The following TMC4 variants were observed in gnomAD, a reference collection of about 807,000 sequenced individuals.
TMC4 encodes voltage-gated chloride channel TMC4.
A neutral mutation model predicts 82.0 loss-of-function variants in TMC4; 70 were observed. The observed-to-expected ratio is 0.85, with a 90% confidence interval of 0.70 to 1.04. The LOEUF (loss-of-function observed/expected upper bound fraction) is 1.04, where lower values mean the gene tolerates loss of function less well. Ranked by LOEUF, TMC4 falls within the 50% of genes least tolerant of loss-of-function variation. TMC4 has a pLI of 0.00. For synonymous variants in TMC4, 446 were observed against 406.0 expected (o/e 1.10, Z -1.18); for missense variants, 879 against 899.0 (o/e 0.98, Z 0.28).
chr19:54,162,755 G>A lies in TMC4; in HGVS notation c.1420C>T (p.Leu474=), dbSNP rs115427149. 1.2e-5 allele frequency: 20 copies of A among 1,614,058 alleles called. No individual in the cohort carries two copies. The highest frequency in any genetic ancestry group is 1.6e-5 in the Non-Finnish European group (19 of 1,179,972). The part of the protein sequence containing the change: ...YKQLPCWETV[L]GQEMYKLLLF... ...AGAAGTTTGTACATTTCCTGGCCCA[G>A]GACAGTCTCCCAGCACTGAAGAAGG... is the stretch of plus-strand genomic sequence containing the variant. The change falls in exon 10 of 15, where the codon CTG becomes TTG. Residue 474 remains leucine (L), a synonymous_variant. Coordinates refer to ENST00000619895, the MANE Select transcript of TMC4 (RefSeq NM_144686.4).
intron 1 of TMC4, 50 bp from the exon 2 acceptor site, chr19:54,172,133 C>G (rs775357187): frequency 3.4e-6 from 5 of 1,457,006 alleles, no homozygotes; most frequent in Non-Finnish European, 4.5e-6. Context: ...GGCCCTAATT[C>G]CTCCTCCCTC....
Position 54,161,134 on chromosome 19 carries a change from A to G in TMC4, c.1813T>C (p.Phe605Leu). 6.3e-7 allele frequency: 1 copy of G among 1,585,212 alleles called. No individual in the cohort carries two copies. Among genetic ancestry groups the G allele is most frequent in the Admixed American group, 1.9e-5 (1 of 52,680 alleles). ...ISSVPLLYSI[F>L]LIPPSKLCGP... is the part of the protein sequence containing the mutation. The stretch of plus-strand genomic sequence containing the variant: ...GCGGGAGCCTCTCGCACTTACAGGA[A>G]GATGCTGTAAAGCAGGGGAACGCTG... Residue 605 changes from phenylalanine to leucine, a missense_variant, in exon 12 of 15, where the codon TTC (phenylalanine) becomes CTC (leucine). Physicochemically the swap from Phe to Leu is conservative, Grantham distance 22. Transcript: ENST00000619895.
In TMC4 at chr19:54,160,332, G is replaced by A. The variant is rs1192889223; in HGVS notation, c.2095C>T (p.Leu699=). 2.0e-6 allele frequency: 3 copies of A among 1,522,734 alleles called. No individual in the cohort carries two copies. The highest frequency in any genetic ancestry group is 2.6e-6 in the Non-Finnish European group (3 of 1,136,120). The allele number at this position is 1,522,734 out of a possible 1,614,324, so 94.3% of individuals were successfully genotyped here. A position where few individuals can be genotyped will look rare whatever the true frequency, so the allele number is the denominator to read the frequency against. ...KVFLARRAVA[L]TSTKPAL is the part of the protein sequence containing the mutation. The stretch of plus-strand genomic sequence containing the variant: ...CAAAGAGCCGGTTTGGTGGAGGTCA[G>A]CGCCACAGCGCGCCGTGCCAGGAAG... The change falls in exon 15 of 15, where the codon CTG becomes TTG. Residue 699 remains leucine (L), a synonymous_variant. Transcript: ENST00000619895.
intron 4 of TMC4, 30 bp from the exon 5 acceptor site, chr19:54,168,322 T>G (rs761814768): frequency 5.1e-5 from 79 of 1,544,976 alleles, no homozygotes; most frequent in Non-Finnish European, 3.5e-6. Context: ...CAGGGGCCAC[T>G]GTGGGAGGAG....
rs1163245085 is a variant in TMC4, at chr19:54,168,904, CTTCT to C, written c.443-228_443-225del. Reference sequence around the variant, plus strand: ...TTTCTTTTCTTTCTTTCCTTTCTTTCTTCTTTCTTTCCTTCCTTCCTTCCTTCCT... The same window carrying C: ...TTTCTTTTCTTTCTTTCCTTTCTTTCTTCTTTCCTTCCTTCCTTCCTTCCT... On this transcript the variant is annotated intron_variant, in intron 3 of 14. Coordinates refer to ENST00000619895, the MANE Select transcript of TMC4 (RefSeq NM_144686.4). 1.6e-3 allele frequency among the ~76,000 whole-genome samples: 28 copies of C among 17,480 alleles called. 9 individuals are homozygous for C. Among genetic ancestry groups the C allele is most frequent in the Non-Finnish European group, 2.2e-3 (24 of 10,800 alleles). 11.5% of individuals were successfully genotyped at this position (17,480 alleles called of 152,430 possible). A position where few individuals can be genotyped will look rare whatever the true frequency, so the allele number is the denominator to read the frequency against.
At chr19:54,162,793 A>C in intron 9 of TMC4, 23 bp from the exon 10 acceptor site, 7 of 1,608,666 alleles carry the variant, frequency 4.4e-6, no homozygotes, top group Non-Finnish European at 6.0e-6. Context: ...GAAATATATC[A>C]GAAAGAACTC....
chr19:54,168,726 G>C, intron 3 of TMC4, 46 bp from the exon 4 acceptor site: 1 of 1,344,482 alleles, frequency 7.4e-7, no homozygotes. Flanking sequence ...CCCGGGAGCA[G>C]GACCAGCCCC....
chr19:54,165,669 G>A, intron 5 of TMC4, 103 bp from the exon 6 acceptor site: 1 of 1,376,292 alleles, frequency 7.3e-7, no homozygotes, highest in Non-Finnish European at 9.7e-7. Flanking sequence ...TGAACCCTAA[G>A]GCCTTGGGTA....
intron 13 of TMC4, 83 bp downstream of exon 13, chr19:54,160,795 A>T: frequency 6.5e-7 from 1 of 1,544,196 alleles, no homozygotes; most frequent in Non-Finnish European, 8.8e-7. Context: ...TCCCACGCCC[A>T]AGCCTCTCCT....
At chr19:54,165,633 C>A (rs2075685580) in intron 5 of TMC4, 67 bp from the exon 6 acceptor site, 11 of 1,528,364 alleles carry the variant, frequency 7.2e-6, no homozygotes, top group African/African-American at 1.4e-5. Flanking sequence ...TGGGGAGACC[C>A]CTCATATTGG....
intron 7 of TMC4, 77 bp from the exon 8 acceptor site, chr19:54,163,964 T>C (rs1235208433): frequency 2.2e-6 from 3 of 1,362,742 alleles, no homozygotes; most frequent in Non-Finnish European, 2.9e-6. Context: ...CCCGGCCTCT[T>C]CTTCTTCTTC....
Position 54,169,516 on chromosome 19 carries a change from GATCCTCTTCA to G in TMC4, c.428_437del (p.Leu143ProfsTer33). Reference sequence around the variant, plus strand: ...ACCACCCAAACCCCACCGCACCCCCGATCCTCTTCAGTGTCCACGCCCAGGGCTGCAGGCT... The same window carrying G: ...ACCACCCAAACCCCACCGCACCCCCGGTGTCCACGCCCAGGGCTGCAGGCT... On this transcript the variant is annotated frameshift_variant, in exon 3 of 15. Coordinates refer to ENST00000619895, the MANE Select transcript of TMC4 (RefSeq NM_144686.4). LOFTEE classifies it high-confidence loss of function. 3.2e-6 allele frequency: 5 copies of G among 1,558,978 alleles called. No individual in the cohort carries two copies. Among genetic ancestry groups the G allele is most frequent in the Non-Finnish European group, 4.4e-6 (5 of 1,148,038 alleles).
chr19:54,170,191 C>T (rs776139543), intron 2 of TMC4, among the ~76,000 whole-genome samples: 33 of 152,086 alleles, frequency 2.2e-4, no homozygotes, highest in Non-Finnish European at 3.7e-4. Flanking sequence ...ATTTGCACAA[C>T]GTTGCAGAGC....
intron 3 of TMC4, 60 bp downstream of exon 3, chr19:54,169,452 C>A: frequency 6.5e-7 from 1 of 1,543,572 alleles, no homozygotes; most frequent in Non-Finnish European, 8.7e-7. Flanking sequence ...CCAGCCCCTC[C>A]TCCCTCAGAC....
At position 54,168,501 on chromosome 19, in the gene TMC4, A is replaced by T. The variant is rs1287383936; in HGVS notation, c.622T>A (p.Ser208Thr). 1.3e-6 allele frequency: 2 copies of T among 1,547,146 alleles called. No homozygotes were observed. The highest frequency in any genetic ancestry group is 2.7e-5 in the African/African-American group (2 of 72,750). ...SSPCGSYNPH[S>T]QGLVTFATQL... ...GTGGCAAAGGTGACCAGGCCCTGGG[A>T]GTGGGGGTTATAGGAGCCGCAGGGC... Residue 208 changes from serine (S) to threonine (T), a missense_variant, in exon 4 of 15, where the codon TCC (serine) becomes ACC (threonine). Physicochemically the swap from Ser to Thr is moderately conservative, Grantham distance 58. Coordinates refer to ENST00000619895, the MANE Select transcript of TMC4 (RefSeq NM_144686.4).
At chr19:54,168,842 C>CTT (rs1206900563) in intron 3 of TMC4, among the ~76,000 whole-genome samples, 162 bp from the exon 4 acceptor site, 1 of 27,474 alleles carries the variant, frequency 3.6e-5, no homozygotes, top group African/African-American at 1.8e-4. Flanking sequence ...CTTTTCTTTT[C>CTT]TTTTCTTTTC....
In TMC4 at chr19:54,160,143, G is replaced by T. The variant is rs532707347; in HGVS notation, c.*163C>A. ...CGGCTGTATTTATTGATACAAGGAAGATCACCCGAGAGTCAGGGACGTGGC... is the reference window on the plus strand; with the variant it reads ...CGGCTGTATTTATTGATACAAGGAATATCACCCGAGAGTCAGGGACGTGGC... On this transcript the variant is annotated 3_prime_UTR_variant, in exon 15 of 15. Transcript: ENST00000619895. 43 of 753,362 alleles carry T rather than the reference G, an allele frequency of 5.7e-5. No individual in the cohort carries two copies. The East Asian group carries it at 9.0e-4, about 16-fold the overall frequency. 46.7% of individuals were successfully genotyped at this position (753,362 alleles called of 1,614,324 possible).
chr19:54,168,912 TTTCCTTCCTTCCTTCC>T lies in TMC4; in HGVS notation c.443-248_443-233del, dbSNP rs1237660940. Among the ~76,000 whole-genome samples, 83 of 11,476 alleles carry T rather than the reference TTTCCTTCCTTCCTTCC, an allele frequency of 7.2e-3. 17 individuals are homozygous for T. Among genetic ancestry groups the T allele is most frequent in the African/African-American group, 0.019 (36 of 1,900 alleles). 7.5% of individuals were successfully genotyped at this position (11,476 alleles called of 152,430 possible). A position where few individuals can be genotyped will look rare whatever the true frequency, so the allele number is the denominator to read the frequency against. ...CTTTCTTTCCTTTCTTTCTTCTTTC[TTTCCTTCCTTCCTTCC>T]TTCCTTCCTTCCTTCCTTCCTTCCT... On this transcript the variant is annotated intron_variant, in intron 3 of 14. Transcript: ENST00000619895.
Position 54,162,234 on chromosome 19 carries a change from T to C in TMC4, c.1554A>G (p.Gln518=), listed in dbSNP as rs36655. ...GCACCTCGTCGGGCACCTGGAACTC[T>C]TGGGTCCCCGCCAGACGACCCAGCG... ...PGALGRLAGT[Q]EFQVPDEVLG... The change falls in exon 11 of 15, where the codon CAA becomes CAG. Residue 518 remains glutamine (Q), a synonymous_variant. Coordinates refer to ENST00000619895, the MANE Select transcript of TMC4 (RefSeq NM_144686.4). 0.69 allele frequency: 1,108,327 copies of C among 1,609,828 alleles called. 383,232 individuals are homozygous for C. The highest frequency in any genetic ancestry group is 0.84 in the East Asian group (37,619 of 44,740).
Sources: gnomAD v4.1 joint callset for allele counts (sites outside exome capture counted in the v4.1 genomes callset) on GRCh38, gnomAD v4.1.1 for gene constraint, MANE v1.5 for transcripts, NCBI Gene and HGNC (gene_info 2026-07-23, HGNC 2026-07-21) for gene names.